The following F8 variants were observed in gnomAD, a reference collection of about 807,000 sequenced individuals.
F8 encodes antihemophilic factor.
In F8, 12 loss-of-function variants were observed where a neutral mutation model predicts 140.6. That is an observed-to-expected ratio of 0.09 (90% confidence interval 0.05 to 0.14). The LOEUF (loss-of-function observed/expected upper bound fraction) is 0.14. Ranked by LOEUF, F8 falls within the 10% of genes least tolerant of loss-of-function variation. F8 has a pLI of 1.00. For synonymous variants in F8, 585 were observed against 614.6 expected (o/e 0.95, Z 0.71); for missense variants, 1,354 against 1,720.7 (o/e 0.79, Z 3.77).
At chrX:154,955,591 A>G (rs1347528792) in intron 11 of F8, among the ~76,000 whole-genome samples, 1 of 110,317 alleles carries the variant, frequency 9.1e-6, no homozygotes, top group Non-Finnish European at 1.9e-5. Context: ...AGTACAAAAG[A>G]GAGAAATTTT....
chrX:154,996,974 C>T lies in F8; in HGVS notation c.387G>A (p.Glu129=). The T allele has an allele frequency of 8.3e-7, 1 of 1,211,174 alleles. No individual in the cohort carries two copies. The highest frequency in any genetic ancestry group is 1.1e-6 in the Non-Finnish European group (1 of 895,080). Residue 129 remains glutamate, a splice_region_variant and synonymous_variant, in exon 3 of 26, where the codon GAG becomes GAA. Coordinates refer to ENST00000360256, the MANE Select transcript of F8 (RefSeq NM_000132.4). ...AVGVSYWKAS[E]GAEYDDQTSQ... Reference sequence around the variant, plus strand: ...ACAATAGGAGGGTATTTTACTCACCCTCAGAAGCTTTCCAGTAGGATACAC... The same window carrying T: ...ACAATAGGAGGGTATTTTACTCACCTTCAGAAGCTTTCCAGTAGGATACAC...
intron 25 of F8, among the ~76,000 whole-genome samples, chrX:154,848,796 GCACCCACTGTCCGA>G (rs2072591666): frequency 9.0e-6 from 1 of 110,845 alleles, no homozygotes; most frequent in African/African-American, 3.3e-5. Flanking sequence ...CCACTGTCCT[GCACCCACTGTCCGA>G]CAAGCCACAG....
Position 154,995,630 on chromosome X carries a change from A to C in F8, c.388+1343T>G, listed in dbSNP as rs782325993. Among the ~76,000 whole-genome samples, 6 of 112,453 alleles carry C rather than the reference A, an allele frequency of 5.3e-5. No homozygotes were observed. The South Asian group carries it at 2.2e-3, about 41-fold the overall frequency. On this transcript the variant is annotated intron_variant, in intron 3 of 25. Coordinates refer to ENST00000360256, the MANE Select transcript of F8 (RefSeq NM_000132.4). ...GCTAAACATTTCACTGTTCAATAGA[A>C]ATATAATGCAAACCACATATGTAAT...
chrX:154,981,263 C>G (rs1041368978), intron 6 of F8, among the ~76,000 whole-genome samples: 2 of 111,045 alleles, frequency 1.8e-5, no homozygotes, highest in Non-Finnish European at 3.8e-5. Context: ...CAGTCTTGCT[C>G]ATGGGTTCAG....
chrX:154,852,805 C>T (rs1280824687), intron 25 of F8, among the ~76,000 whole-genome samples: 5 of 111,161 alleles, frequency 4.5e-5, no homozygotes, highest in African/African-American at 1.6e-4. Context: ...GCCCAGGAAG[C>T]AGAGGTTATG....
chrX:154,931,446 C>T lies in F8; in HGVS notation c.2344G>A (p.Glu782Lys). 6.6e-6 allele frequency: 8 copies of T among 1,211,026 alleles called. No individual in the cohort carries two copies. The highest frequency in any genetic ancestry group is 8.9e-6 in the Non-Finnish European group (8 of 894,747). ...GGGTCAGTCTTCTCTATGTCATTTT[C>T]TGGAATTGTGGTGGCATTAAATTGC... is the stretch of plus-strand genomic sequence containing the variant. The part of the protein sequence containing the change: ...QKQFNATTIP[E>K]NDIEKTDPWF... Residue 782 changes from glutamate to lysine, a missense_variant, in exon 14 of 26, where the codon GAA becomes AAA. Glu to Lys is a moderately conservative substitution (Grantham distance 56). Around this residue, in one of 4 missense-constraint regions of F8, gnomAD observed 658 missense variants for 666.5 expected, o/e 0.99. Transcript: ENST00000360256.
At chrX:154,974,566 T>C (rs1345808765) in intron 6 of F8, among the ~76,000 whole-genome samples, 1 of 110,820 alleles carries the variant, frequency 9.0e-6, no homozygotes, top group Non-Finnish European at 1.9e-5. Flanking sequence ...ATTGTGCTTT[T>C]GTCTGGTTTT....
intron 6 of F8, among the ~76,000 whole-genome samples, chrX:154,976,581 C>T (rs1233129174): frequency 1.9e-5 from 2 of 106,689 alleles, no homozygotes; most frequent in African/African-American, 6.9e-5. Context: ...CCCTTCCCCC[C>T]ACCCCACAAC....
chrX:154,922,834 G>A (rs899702891), intron 14 of F8, among the ~76,000 whole-genome samples: 4 of 111,797 alleles, frequency 3.6e-5, no homozygotes, highest in Admixed American at 1.9e-4. Context: ...GTCAAATTTC[G>A]TAGGGTCTTG....
rs782705389 is a variant in F8 at position 154,930,263 on chromosome X, A to T, written c.3527T>A (p.Phe1176Tyr). ...KNKVVVGKGE[F>Y]TKDVGLKEMV... is the part of the protein sequence containing the mutation. The stretch of plus-strand genomic sequence containing the variant: ...CTCTTTGAGTCCTACGTCCTTTGTA[A>T]ATTCACCCTTTCCTACTACCACTTT... Residue 1176 changes from phenylalanine (F) to tyrosine (Y), a missense_variant, in exon 14 of 26, where the codon TTT (phenylalanine) becomes TAT (tyrosine). This residue lies in a region of F8 where 658 missense variants were observed against 666.5 expected (regional missense o/e 0.99). Coordinates refer to ENST00000360256, the MANE Select transcript of F8 (RefSeq NM_000132.4). 4.1e-6 allele frequency: 5 copies of T among 1,209,285 alleles called. No individual in the cohort carries two copies. In the African/African-American group the frequency reaches 7.0e-5, roughly 17 times the overall value.
chrX:155,003,960 C>CAAAA (rs869097926), intron 1 of F8, among the ~76,000 whole-genome samples: 27 of 33,005 alleles, frequency 8.2e-4, no homozygotes, highest in Non-Finnish European at 1.1e-3. Flanking sequence ...GATTCTGTCT[C>CAAAA]AAAAAAAAAA....
chrX:154,868,843 T>A (rs2072750702), intron 22 of F8, among the ~76,000 whole-genome samples: 1 of 108,549 alleles, frequency 9.2e-6, no homozygotes, highest in Non-Finnish European at 1.9e-5. Context: ...AATAAAGGGA[T>A]GGAGGAATAT....
At chrX:154,976,968 C>A (rs931800634) in intron 6 of F8, among the ~76,000 whole-genome samples, 2 of 107,935 alleles carry the variant, frequency 1.9e-5, no homozygotes, top group Non-Finnish European at 3.9e-5. Context: ...TCCTTTCTTC[C>A]TCTCTTAATC....
rs1161156528 is a variant in F8 at position 154,839,115 on chromosome X, ACT to A, written c.6901-1365_6901-1364del. 3.7e-5 allele frequency among the ~76,000 whole-genome samples: 4 copies of A among 108,614 alleles called. No individual in the cohort carries two copies. In the East Asian group the frequency reaches 1.2e-3, roughly 32 times the overall value. 94.3% of individuals were successfully genotyped at this position (108,614 alleles called of 115,157 possible). Reference sequence around the variant, plus strand: ...ATCTTTCAGTTTCTCAACAATGTCAACTCTTGTTTTATTTAACATGAGAGCCT... The same window carrying A: ...ATCTTTCAGTTTCTCAACAATGTCAACTTGTTTTATTTAACATGAGAGCCT... On this transcript the variant is annotated intron_variant, in intron 25 of 25. Coordinates refer to ENST00000360256, the MANE Select transcript of F8 (RefSeq NM_000132.4).
chrX:154,898,619 G>T (rs1214428113), intron 21 of F8, among the ~76,000 whole-genome samples: 4 of 112,229 alleles, frequency 3.6e-5, no homozygotes, highest in Non-Finnish European at 5.6e-5. Context: ...CTGAAATGAA[G>T]ATGATAGTAA....
At chrX:155,007,884 C>T (rs1557286187) in intron 1 of F8, among the ~76,000 whole-genome samples, 1 of 110,561 alleles carries the variant, frequency 9.0e-6, no homozygotes, top group Non-Finnish European at 1.9e-5. Flanking sequence ...ATCACAGAGA[C>T]AAACCAGCTT....
intron 23 of F8, among the ~76,000 whole-genome samples, chrX:154,862,612 C>G (rs782733350): frequency 9.0e-6 from 1 of 111,267 alleles, no homozygotes; most frequent in South Asian, 3.8e-4. Flanking sequence ...TAATGTTTAG[C>G]TCCCACTTAT....
Position 154,946,452 on chromosome X carries a change from G to A in F8, c.2113+1246C>T, listed in dbSNP as rs188195155. ...TTATAGCCAACTCACCTTTGACAAA[G>A]TGCCAAGAACACGCACTGGTGAAAG... On this transcript the variant is annotated intron_variant, in intron 13 of 25. Coordinates refer to ENST00000360256, the MANE Select transcript of F8 (RefSeq NM_000132.4). Among the ~76,000 whole-genome samples, 3 of 112,365 alleles carry A rather than the reference G, an allele frequency of 2.7e-5. No individual in the cohort carries two copies. In the Admixed American group the frequency reaches 2.8e-4, roughly 11 times the overall value.
intron 14 of F8, among the ~76,000 whole-genome samples, chrX:154,926,628 A>G (rs1360391756): frequency 8.9e-6 from 1 of 111,797 alleles, no homozygotes; most frequent in Non-Finnish European, 1.9e-5. Context: ...CACCTGCCTC[A>G]GCTTCCCCAA....
Sources: allele counts gnomAD v4.1 joint callset (sites outside exome capture counted in the v4.1 genomes callset), GRCh38; gene constraint gnomAD v4.1.1; regional missense constraint gnomAD v4.1.1; transcripts MANE v1.5; gene names NCBI Gene and HGNC (gene_info 2026-07-23, HGNC 2026-07-21).